Variants in CTNND2 observed in about 807,000 individuals in gnomAD.
The protein encoded by CTNND2 is catenin delta-2.
Under a neutral mutation model 144.4 loss-of-function variants are expected in CTNND2, and 22 were observed. The ratio of observed to expected loss-of-function variants is 0.15; its 90% CI spans 0.11 to 0.22. The LOEUF (loss-of-function observed/expected upper bound fraction) is 0.22, where lower values mean the gene tolerates loss of function less well. Among genes scored for constraint, CTNND2 ranks in the 10% least tolerant of loss-of-function variants. The probability of loss-of-function intolerance (pLI) is 1.00; values close to 1 mark genes in which losing one functional copy is unlikely to be tolerated. For synonymous variants in CTNND2, 751 were observed against 695.6 expected, an observed-to-expected ratio of 1.08 and a Z score of -1.25; for missense variants, 1,353 against 1,618.8, an observed-to-expected ratio of 0.84 and a Z score of 2.82.
intron 2 of CTNND2, among the ~76,000 whole-genome samples, chr5:11,687,543 T>C (rs1411086290): frequency 6.6e-6 from 1 of 152,230 alleles, no homozygotes; most frequent in African/African-American, 2.4e-5. Context: ...TGCTGTGATA[T>C]GGAGGAGGTA....
At chr5:11,581,917 T>C (rs995906261) in intron 2 of CTNND2, among the ~76,000 whole-genome samples, 1 of 152,248 alleles carries the variant, frequency 6.6e-6, no homozygotes, top group Non-Finnish European at 1.5e-5. Flanking sequence ...GCTTTAGTTT[T>C]TATTATATTT....
rs184659237 is a variant in CTNND2 at position 10,996,065 on chromosome 5, G to A, written c.3085-3388C>T. Reference sequence around the variant, plus strand: ...AGCTGACTGGCCAGGGCAAGTGGCCGGGGTGCCGGACAGGGCTGGAGGCTG... The same window carrying A: ...AGCTGACTGGCCAGGGCAAGTGGCCAGGGTGCCGGACAGGGCTGGAGGCTG... On this transcript the variant is annotated intron_variant, in intron 18 of 21. Coordinates refer to ENST00000304623, the MANE Select transcript of CTNND2 (RefSeq NM_001332.4). Among the ~76,000 whole-genome samples, 40 of 152,246 alleles carry A rather than the reference G, an allele frequency of 2.6e-4. No homozygotes were observed. The East Asian group carries it at 7.2e-3, about 27-fold the overall frequency.
intron 9 of CTNND2, among the ~76,000 whole-genome samples, chr5:11,304,225 C>G (rs1275190296): frequency 6.6e-6 from 1 of 152,144 alleles, no homozygotes; most frequent in African/African-American, 2.4e-5. Flanking sequence ...AGGATTAATA[C>G]TGTATTAAAA....
At chr5:11,759,490 T>C (rs996639781) in intron 1 of CTNND2, among the ~76,000 whole-genome samples, 1 of 152,088 alleles carries the variant, frequency 6.6e-6, no homozygotes, top group Non-Finnish European at 1.5e-5. Context: ...CAGATTTTTG[T>C]TAGACAAAGC....
intron 2 of CTNND2, among the ~76,000 whole-genome samples, chr5:11,593,424 G>C (rs1379173217): frequency 6.6e-6 from 1 of 152,130 alleles, no homozygotes; most frequent in Non-Finnish European, 1.5e-5. Flanking sequence ...ACAACCACAT[G>C]ACCCATGTGG....
intron 2 of CTNND2, among the ~76,000 whole-genome samples, chr5:11,631,362 G>A (rs1164839036): frequency 3.3e-5 from 5 of 152,070 alleles, no homozygotes; most frequent in Non-Finnish European, 5.9e-5. Flanking sequence ...ATGTCTTATC[G>A]TGAAGACTAT....
chr5:11,049,311 G>T (rs950556156), intron 16 of CTNND2, among the ~76,000 whole-genome samples: 1 of 152,146 alleles, frequency 6.6e-6, no homozygotes, highest in East Asian at 1.9e-4. Context: ...GAGGACAAGG[G>T]TGTGATTTGG....
intron 15 of CTNND2, chr5:11,084,045 A>C: frequency 8.3e-6 from 6 of 722,742 alleles, no homozygotes; most frequent in Non-Finnish European, 1.0e-5. Context: ...ATCAACCCAC[A>C]CTGTATGCTT....
At chr5:11,594,925 GCTT>G (rs1354289658) in intron 2 of CTNND2, among the ~76,000 whole-genome samples, 4 of 152,082 alleles carry the variant, frequency 2.6e-5, no homozygotes, top group Non-Finnish European at 1.5e-5. Flanking sequence ...TGAAATTTTG[GCTT>G]CTTATTTTCT....
In CTNND2 at chr5:11,226,139, C is replaced by T. The variant is rs578202093; in HGVS notation, c.1761+10552G>A. On this transcript the variant is annotated intron_variant, in intron 10 of 21. Coordinates refer to ENST00000304623, the MANE Select transcript of CTNND2 (RefSeq NM_001332.4). ...CCAGCATCGTGAGAGAACAGATTTC[C>T]ATTGTTCCACATCTCTCAGTTTGTG... Among the ~76,000 whole-genome samples, 53 of 152,302 alleles carry T rather than the reference C, an allele frequency of 3.5e-4. 2 individuals are homozygous for T. The highest frequency in any genetic ancestry group is 2.1e-3 in the South Asian group (10 of 4,828).
chr5:11,794,510 T>G (rs908298591), intron 1 of CTNND2, among the ~76,000 whole-genome samples: 3 of 152,232 alleles, frequency 2.0e-5, no homozygotes, highest in African/African-American at 7.2e-5. Flanking sequence ...ATTTGTGTTT[T>G]TCTCTTTGAT....
Position 11,078,775 on chromosome 5 carries a change from G to A in CTNND2, c.2788+3921C>T, listed in dbSNP as rs375758515. 1.4e-4 allele frequency among the ~76,000 whole-genome samples: 22 copies of A among 151,926 alleles called. No homozygotes were observed. In the East Asian group the frequency reaches 3.5e-3, roughly 24 times the overall value. On this transcript the variant is annotated intron_variant, in intron 16 of 21. Coordinates refer to ENST00000304623, the MANE Select transcript of CTNND2 (RefSeq NM_001332.4). ...GTCCTGTCTGAAACAACTGTGCAAC[G>A]AAAAAAAGAAAAGAGTATATGGGAA...
chr5:11,449,490 T>C (rs893335289), intron 3 of CTNND2, among the ~76,000 whole-genome samples: 1 of 152,166 alleles, frequency 6.6e-6, no homozygotes, highest in Non-Finnish European at 1.5e-5. Flanking sequence ...CTACCTAACA[T>C]GAACGCTTAG....
chr5:11,483,665 G>A (rs369364380), intron 3 of CTNND2, among the ~76,000 whole-genome samples: 6 of 152,280 alleles, frequency 3.9e-5, no homozygotes, highest in East Asian at 1.9e-4. Context: ...TAAGCTCCTC[G>A]AGAGTAAGGA....
chr5:11,679,607 G>A (rs1784336328), intron 2 of CTNND2, among the ~76,000 whole-genome samples: 1 of 152,150 alleles, frequency 6.6e-6, no homozygotes, highest in African/African-American at 2.4e-5. Flanking sequence ...CTGCTTCATT[G>A]GCTGCAATCA....
chr5:11,330,846 GTGTC>G (rs1480307597), intron 9 of CTNND2, among the ~76,000 whole-genome samples: 2,012 of 151,704 alleles, frequency 0.013, 34 homozygotes, highest in African/African-American at 0.047. Context: ...CAGCCTGTGT[GTGTC>G]TGTGTGTGAG....
intron 14 of CTNND2, among the ~76,000 whole-genome samples, chr5:11,103,924 C>A (rs1473730076): frequency 6.6e-6 from 1 of 152,144 alleles, no homozygotes; most frequent in Non-Finnish European, 1.5e-5. Flanking sequence ...ACTGAGGAGA[C>A]ACCAACAAGG....
At chr5:11,891,503 C>G (rs2400098) in intron 1 of CTNND2, among the ~76,000 whole-genome samples, 2 of 152,042 alleles carry the variant, frequency 1.3e-5, no homozygotes, top group South Asian at 4.1e-4. Context: ...TCCTAGCCCC[C>G]GATGTGATGG....
chr5:11,021,937 G>A (rs989167547), intron 17 of CTNND2, among the ~76,000 whole-genome samples: 1 of 152,126 alleles, frequency 6.6e-6, no homozygotes, highest in Admixed American at 6.5e-5. Context: ...ATTTAATTAA[G>A]GTTAGTGAAG....
Sources: gnomAD v4.1 joint callset for allele counts (sites outside exome capture counted in the v4.1 genomes callset) on GRCh38, gnomAD v4.1.1 for gene constraint, MANE v1.5 for transcripts, NCBI Gene and HGNC (gene_info 2026-07-23, HGNC 2026-07-21) for gene names.